Variants in BRINP1 observed in about 807,000 individuals in gnomAD.
BRINP1 encodes BMP/retinoic acid-inducible neural-specific protein 1.
In BRINP1, 17 loss-of-function variants were observed where a neutral mutation model predicts 72.9. The ratio of observed to expected loss-of-function variants is 0.23; its 90% CI spans 0.16 to 0.35. The LOEUF (loss-of-function observed/expected upper bound fraction) is 0.35, where lower values mean the gene tolerates loss of function less well. Ranked by LOEUF, BRINP1 falls within the 10% of genes least tolerant of loss-of-function variation. The pLI is 1.00. For missense variants in BRINP1, 850 were observed against 1,001.6 expected, an observed-to-expected ratio of 0.85 and a Z score of 2.04; for synonymous variants, 418 against 378.5, an observed-to-expected ratio of 1.10 and a Z score of -1.21.
At chr9:119,200,380 G>A (rs551099148) in intron 7 of BRINP1, among the ~76,000 whole-genome samples, 6 of 152,168 alleles carry the variant, frequency 3.9e-5, no homozygotes, top group African/African-American at 1.4e-4. Context: ...CTAGCACTTT[G>A]AGAGGCCAAG....
intron 1 of BRINP1, among the ~76,000 whole-genome samples, chr9:119,358,387 TAA>T (rs5900396): frequency 0.46 from 61,514 of 133,750 alleles, 14,238 homozygotes; most frequent in East Asian, 0.63. Context: ...TTATATGTAT[TAA>T]AAAAAAAAAA....
At chr9:119,225,560 G>T (rs549563276) in intron 5 of BRINP1, among the ~76,000 whole-genome samples, 1 of 151,822 alleles carries the variant, frequency 6.6e-6, no homozygotes, top group African/African-American at 2.4e-5. Flanking sequence ...TTTTATTGTT[G>T]TATTATTATT....
At chr9:119,366,503 C>CGTGTGTGTGT (rs3983901) in intron 1 of BRINP1, among the ~76,000 whole-genome samples, 2 of 136,226 alleles carry the variant, frequency 1.5e-5, no homozygotes, top group Non-Finnish European at 3.2e-5. Context: ...CCCCCACCAC[C>CGTGTGTGTGT]GTGTGTGTGT....
At chr9:119,251,715 G>T (rs1268025813) in intron 2 of BRINP1, among the ~76,000 whole-genome samples, 1 of 152,052 alleles carries the variant, frequency 6.6e-6, no homozygotes, top group Non-Finnish European at 1.5e-5. Flanking sequence ...GAAAAAGAGG[G>T]TGTGGGAGGC....
At chr9:119,191,028 T>C (rs10984431) in intron 7 of BRINP1, among the ~76,000 whole-genome samples, 4,685 of 151,972 alleles carry the variant, frequency 0.031, 101 homozygotes, top group Non-Finnish European at 0.051. Context: ...GAATAAAAGA[T>C]TAAAATCATA....
At chr9:119,207,312 T>TA (rs1829869055) in intron 7 of BRINP1, among the ~76,000 whole-genome samples, 1 of 152,178 alleles carries the variant, frequency 6.6e-6, no homozygotes, top group African/African-American at 2.4e-5. Context: ...ACAGACTAGT[T>TA]AGGAAGATAA....
intron 5 of BRINP1, among the ~76,000 whole-genome samples, chr9:119,223,467 T>A (rs1197613394): frequency 6.6e-6 from 1 of 152,086 alleles, no homozygotes; most frequent in African/African-American, 2.4e-5. Flanking sequence ...GTAGTCTCTC[T>A]GCTGGCAACC....
intron 7 of BRINP1, among the ~76,000 whole-genome samples, chr9:119,203,758 G>T (rs537872066): frequency 1.3e-5 from 2 of 152,256 alleles, no homozygotes; most frequent in African/African-American, 4.8e-5. Context: ...TAGCTGCTCA[G>T]TAAGTAACTG....
At chr9:119,237,346 C>CATTATTATTATTATTATTATTATT (rs34106507) in intron 5 of BRINP1, among the ~76,000 whole-genome samples, 52 of 145,066 alleles carry the variant, frequency 3.6e-4, no homozygotes, top group East Asian at 1.2e-3. Flanking sequence ...TTTCTTGCTA[C>CATTATTATTATTATTATTATTATT]ATTATTATTA....
chr9:119,247,833 G>C (rs1371029416), intron 3 of BRINP1, among the ~76,000 whole-genome samples: 2 of 152,170 alleles, frequency 1.3e-5, no homozygotes, highest in Non-Finnish European at 2.9e-5. Flanking sequence ...GACATGTGCA[G>C]TTTTGAGGAC....
At chr9:119,336,824 GAAGAGAAAAAAA>G (rs931692163) in intron 1 of BRINP1, among the ~76,000 whole-genome samples, 4 of 151,588 alleles carry the variant, frequency 2.6e-5, no homozygotes, top group Non-Finnish European at 5.9e-5. Context: ...ATGGGAGAGA[GAAGAGAAAAAAA>G]AAGAGAAAAT....
intron 1 of BRINP1, among the ~76,000 whole-genome samples, chr9:119,367,240 A>ATATC (rs1554757537): frequency 1.4e-5 from 2 of 142,866 alleles, no homozygotes; most frequent in African/African-American, 2.6e-5. Context: ...ATATATATAT[A>ATATC]TATCTTCCTA....
chr9:119,325,721 A>G (rs999806314), intron 1 of BRINP1, among the ~76,000 whole-genome samples: 36 of 152,218 alleles, frequency 2.4e-4, no homozygotes, highest in African/African-American at 8.7e-4. Context: ...CTATCAAAAT[A>G]CAGATGCAAC....
At chr9:119,216,847 A>T (rs542955380) in intron 5 of BRINP1, among the ~76,000 whole-genome samples, 2 of 152,294 alleles carry the variant, frequency 1.3e-5, no homozygotes, top group Non-Finnish European at 2.9e-5. Context: ...TACAAAAGGC[A>T]GTATTACCTA....
intron 3 of BRINP1, among the ~76,000 whole-genome samples, chr9:119,242,539 A>G (rs892368467): frequency 7.2e-5 from 11 of 152,168 alleles, no homozygotes; most frequent in Non-Finnish European, 2.9e-5. Context: ...TCTTCTATAC[A>G]ATGGCAAATG....
At chr9:119,327,269 C>T (rs117680740) in intron 1 of BRINP1, among the ~76,000 whole-genome samples, 16 of 152,304 alleles carry the variant, frequency 1.1e-4, no homozygotes, top group East Asian at 9.7e-4. Flanking sequence ...AAGCCCAGCA[C>T]GCATTAGCTA....
At chr9:119,293,314 T>C (rs912722374) in intron 2 of BRINP1, among the ~76,000 whole-genome samples, 3 of 152,128 alleles carry the variant, frequency 2.0e-5, no homozygotes, top group African/African-American at 7.2e-5. Flanking sequence ...GCTAAATATT[T>C]CTCATTCTCT....
intron 2 of BRINP1, among the ~76,000 whole-genome samples, chr9:119,279,271 A>G (rs750307435): frequency 6.6e-6 from 1 of 152,248 alleles, no homozygotes; most frequent in Non-Finnish European, 1.5e-5. Flanking sequence ...CTGTGTCCCT[A>G]TCTAAACTCT....
At chr9:119,226,366 C>T (rs1378981552) in intron 5 of BRINP1, among the ~76,000 whole-genome samples, 1 of 152,024 alleles carries the variant, frequency 6.6e-6, no homozygotes, top group East Asian at 1.9e-4. Flanking sequence ...GTTAAATAGA[C>T]CAAATTGCCA....
Sources: allele counts gnomAD v4.1 joint callset (sites outside exome capture counted in the v4.1 genomes callset), GRCh38; gene constraint gnomAD v4.1.1; transcripts MANE v1.5; gene names NCBI Gene and HGNC (gene_info 2026-07-23, HGNC 2026-07-21).